The following OSBPL8 variants were observed in gnomAD, a reference collection of about 807,000 sequenced individuals.
OSBPL8 encodes oxysterol binding protein like 8.
A neutral mutation model predicts 125.5 loss-of-function variants in OSBPL8; 59 were observed. The observed-to-expected ratio is 0.47, with a 90% CI of 0.38 to 0.58. The LOEUF (loss-of-function observed/expected upper bound fraction) is 0.58. OSBPL8 is among the 20% of genes least tolerant of loss of function. OSBPL8 has a pLI of 0.00. For missense variants in OSBPL8, 758 were observed against 1,047.8 expected (o/e 0.72, Z 3.82); for synonymous variants, 330 against 338.9 (o/e 0.97, Z 0.29).
At position 76,358,690 on chromosome 12, in the gene OSBPL8, C is replaced by A. The variant is rs1565820683; in HGVS notation, c.2434+16G>T. ...AAAAAGTTAGACTCTCATTAGTCTG[C>A]AATAAATATTTTTACCTTCACTTCC... On this transcript the variant is annotated intron_variant, in intron 22 of 23. Coordinates refer to ENST00000261183, the MANE Select transcript of OSBPL8 (RefSeq NM_020841.5). 4 of 1,568,002 alleles carry A rather than the reference C, an allele frequency of 2.6e-6. No individual in the cohort carries two copies. Among genetic ancestry groups the A allele is most frequent in the Non-Finnish European group, 3.5e-6 (4 of 1,138,358 alleles).
At chr12:76,380,893 C>T (rs970109970) in intron 15 of OSBPL8, among the ~76,000 whole-genome samples, 2 of 152,054 alleles carry the variant, frequency 1.3e-5, no homozygotes, top group African/African-American at 2.4e-5. Flanking sequence ...TTCATAGATG[C>T]CTTTAATCTA....
At chr12:76,557,609 CT>C (rs1323704144) in intron 1 of OSBPL8, among the ~76,000 whole-genome samples, 10 of 59,420 alleles carry the variant, frequency 1.7e-4, no homozygotes, top group Admixed American at 2.5e-4. Flanking sequence ...GTGAGACAGT[CT>C]TAAAAAAAAA....
At chr12:76,538,809 G>A (rs1950564385) in intron 1 of OSBPL8, among the ~76,000 whole-genome samples, 1 of 151,828 alleles carries the variant, frequency 6.6e-6, no homozygotes, top group African/African-American at 2.4e-5. Context: ...TTAGCCGGCT[G>A]TGGTGGCACA....
intron 8 of OSBPL8, 72 bp from the exon 9 acceptor site, chr12:76,394,801 T>G: frequency 1.0e-6 from 1 of 1,003,324 alleles, no homozygotes; most frequent in Non-Finnish European, 1.5e-6. Context: ...CACTATCCAA[T>G]ATTATCTGTA....
chr12:76,387,053 AGGCAG>A (rs1953344597), intron 12 of OSBPL8, among the ~76,000 whole-genome samples: 1 of 152,196 alleles, frequency 6.6e-6, no homozygotes, highest in Non-Finnish European at 1.5e-5. Context: ...TTGCAATGTT[AGGCAG>A]TGGCCAAGCA....
intron 1 of OSBPL8, among the ~76,000 whole-genome samples, chr12:76,532,822 A>G: frequency 6.6e-6 from 1 of 152,176 alleles, no homozygotes; most frequent in Non-Finnish European, 1.5e-5. Context: ...ATCACAAAAA[A>G]AACTATCCTA....
At chr12:76,410,897 C>T (rs911359492) in intron 4 of OSBPL8, among the ~76,000 whole-genome samples, 1 of 152,154 alleles carries the variant, frequency 6.6e-6, no homozygotes, top group Non-Finnish European at 1.5e-5. Context: ...ATAAATTCAG[C>T]GCTTATAGAG....
chr12:76,533,163 A>G (rs1006531379), intron 1 of OSBPL8, among the ~76,000 whole-genome samples: 2 of 152,238 alleles, frequency 1.3e-5, no homozygotes, highest in African/African-American at 4.8e-5. Context: ...ATCCTATCAT[A>G]AGAAAAAAAT....
At chr12:76,363,514 A>G (rs528168175) in intron 21 of OSBPL8, among the ~76,000 whole-genome samples, 1 of 152,356 alleles carries the variant, frequency 6.6e-6, no homozygotes, top group Admixed American at 6.5e-5. Context: ...TTAACTCAAG[A>G]TGGATTAAAG....
chr12:76,452,916 C>A (rs926016434), intron 3 of OSBPL8, among the ~76,000 whole-genome samples: 3 of 152,100 alleles, frequency 2.0e-5, no homozygotes, highest in Non-Finnish European at 2.9e-5. Flanking sequence ...TGTCTGGGCT[C>A]AAAGGTCATC....
intron 1 of OSBPL8, among the ~76,000 whole-genome samples, chr12:76,495,642 T>C (rs1879194034): frequency 6.6e-6 from 1 of 151,208 alleles, no homozygotes; most frequent in African/African-American, 2.5e-5. Flanking sequence ...CAAACGACAA[T>C]GACACCTACT....
At chr12:76,421,513 G>A (rs1250239596) in intron 4 of OSBPL8, among the ~76,000 whole-genome samples, 2 of 151,990 alleles carry the variant, frequency 1.3e-5, no homozygotes, top group Admixed American at 6.5e-5. Flanking sequence ...TCTATGAGGC[G>A]TTTCACTATC....
chr12:76,513,115 TTC>T (rs1881171313), intron 1 of OSBPL8, among the ~76,000 whole-genome samples: 1 of 152,246 alleles, frequency 6.6e-6, no homozygotes, highest in Non-Finnish European at 1.5e-5. Context: ...TTTGAGGATT[TTC>T]TTAGTCTTGA....
At chr12:76,517,756 G>A (rs1050155152) in intron 1 of OSBPL8, among the ~76,000 whole-genome samples, 1 of 152,082 alleles carries the variant, frequency 6.6e-6, no homozygotes, top group Admixed American at 6.6e-5. Flanking sequence ...TACTCATGGT[G>A]GAAAGCAAAG....
intron 1 of OSBPL8, among the ~76,000 whole-genome samples, chr12:76,510,603 G>A (rs1382715897): frequency 1.3e-5 from 2 of 152,114 alleles, no homozygotes; most frequent in African/African-American, 4.8e-5. Context: ...TTTATGACTG[G>A]GTGCAGTGGC....
intron 1 of OSBPL8, among the ~76,000 whole-genome samples, chr12:76,520,592 A>T (rs1565965782): frequency 1.3e-5 from 2 of 152,302 alleles, no homozygotes; most frequent in Admixed American, 6.5e-5. Flanking sequence ...AGCCAAACAA[A>T]GTATGGCAAG....
intron 9 of OSBPL8, among the ~76,000 whole-genome samples, chr12:76,393,043 T>C (rs934327186): frequency 7.9e-5 from 12 of 152,222 alleles, no homozygotes; most frequent in Admixed American, 4.6e-4. Context: ...TGCAGTATAA[T>C]TTGAAGGTAT....
chr12:76,440,919 C>T (rs1041556839), intron 4 of OSBPL8, among the ~76,000 whole-genome samples: 7 of 152,078 alleles, frequency 4.6e-5, no homozygotes, highest in South Asian at 2.1e-4. Flanking sequence ...CTGTTAATTC[C>T]CTTATTTTAC....
intron 1 of OSBPL8, among the ~76,000 whole-genome samples, chr12:76,488,977 C>G (rs937221684): frequency 2.6e-5 from 4 of 152,188 alleles, no homozygotes; most frequent in Non-Finnish European, 1.5e-5. Context: ...AAGTCCTATT[C>G]CAATGAACAC....
Sources: allele counts gnomAD v4.1 joint callset (sites outside exome capture counted in the v4.1 genomes callset), GRCh38; gene constraint gnomAD v4.1.1; transcripts MANE v1.5; gene names NCBI Gene and HGNC (gene_info 2026-07-23, HGNC 2026-07-21).